Variants in ING5 observed in about 807,000 individuals in gnomAD.
ING5 encodes the protein inhibitor of growth family member 5.
In ING5, 17 loss-of-function variants were observed where a neutral mutation model predicts 37.4. The observed-to-expected ratio is 0.45, with a 90% CI of 0.31 to 0.68. The LOEUF (loss-of-function observed/expected upper bound fraction) is 0.68, where lower values mean the gene tolerates loss of function less well. Ranked by LOEUF, ING5 falls within the 30% of genes least tolerant of loss-of-function variation. The pLI, the probability that ING5 is intolerant of heterozygous loss-of-function variation, is 0.05. For synonymous variants in ING5, 123 were observed against 116.6 expected, an observed-to-expected ratio of 1.06 and a Z score of -0.36; for missense variants, 233 against 311.9, an observed-to-expected ratio of 0.75 and a Z score of 1.91.
chr2:241,713,367 GTTTTTTTTTTT>G (rs1166786436), intron 5 of ING5, among the ~76,000 whole-genome samples: 1 of 102,312 alleles, frequency 9.8e-6, no homozygotes, highest in Non-Finnish European at 1.9e-5. Flanking sequence ...CCAATTTTCA[GTTTTTTTTTTT>G]TTTTTTTTTT....
intron 5 of ING5, chr2:241,721,766 T>C (rs2070442906): frequency 1.0e-6 from 1 of 985,390 alleles, no homozygotes; most frequent in Non-Finnish European, 1.2e-6. Context: ...TGTAAGTTTA[T>C]TTGAAAAATA....
intron 2 of ING5, among the ~76,000 whole-genome samples, chr2:241,708,190 A>G (rs949563848): frequency 9.2e-5 from 12 of 130,412 alleles, no homozygotes; most frequent in Non-Finnish European, 1.3e-4. Context: ...GCCGCCGTGC[A>G]TGGCCTTCAA....
At chr2:241,720,173 C>T in intron 5 of ING5, 1 of 1,235,492 alleles carries the variant, frequency 8.1e-7, no homozygotes, top group Non-Finnish European at 1.0e-6. Flanking sequence ...GGAGTGTGCA[C>T]TCGGGTGCCT....
At chr2:241,715,436 TCCAC>T (rs1044697084) in intron 5 of ING5, among the ~76,000 whole-genome samples, 6 of 150,362 alleles carry the variant, frequency 4.0e-5, no homozygotes, top group Non-Finnish European at 8.9e-5. Context: ...GCTCAAGTGA[TCCAC>T]CCACGTTGGC....
At chr2:241,693,791 G>A in intron 2 of ING5, among the ~76,000 whole-genome samples, 1 of 150,974 alleles carries the variant, frequency 6.6e-6, no homozygotes, top group Non-Finnish European at 1.5e-5. Flanking sequence ...CCGAGTAGCT[G>A]GGATTACAGG....
At position 241,702,057 on chromosome 2, in the gene ING5, C is replaced by CA. The variant is rs1322730436; in HGVS notation, c.-9_-8insA. On this transcript the variant is annotated 5_prime_UTR_variant, in exon 1 of 8. Coordinates refer to ENST00000313552, the MANE Select transcript of ING5 (RefSeq NM_032329.6). Reference sequence around the variant, plus strand: ...CCCGCGCAGACCCCGAGCGCGGCCGCGGACGAAGATGGCGACCGCCATGTA... The same window carrying CA: ...CCCGCGCAGACCCCGAGCGCGGCCGCAGGACGAAGATGGCGACCGCCATGTA... 1 of 1,388,224 alleles carries CA rather than the reference C, an allele frequency of 7.2e-7. No individual in the cohort carries two copies. The highest frequency in any genetic ancestry group is 3.0e-5 in the Admixed American group (1 of 33,856). 86.0% of individuals were successfully genotyped at this position (1,388,224 alleles called of 1,614,324 possible).
intron 5 of ING5, chr2:241,720,899 G>T (rs979765996): frequency 2.0e-6 from 2 of 985,606 alleles, no homozygotes; most frequent in Non-Finnish European, 2.4e-6. Flanking sequence ...AGACTGAGAG[G>T]CCAGTGAGGC....
intron 1 of ING5, among the ~76,000 whole-genome samples, chr2:241,702,582 T>C (rs2069777459): frequency 6.6e-6 from 1 of 151,692 alleles, no homozygotes; most frequent in Non-Finnish European, 1.5e-5. Flanking sequence ...GCCGGCCTCT[T>C]GTGTGACCGC....
chr2:241,702,358 A>G (rs1475246175), intron 1 of ING5, among the ~76,000 whole-genome samples: 2 of 139,940 alleles, frequency 1.4e-5, no homozygotes, highest in African/African-American at 5.4e-5. Flanking sequence ...GGGCCTGGCG[A>G]TGCTGGGCGG....
In ING5 at chr2:241,716,308, C is replaced by T. The variant is rs1462589477; in HGVS notation, c.482+4237C>T. Among the ~76,000 whole-genome samples, 127 of 110,572 alleles carry T rather than the reference C, an allele frequency of 1.1e-3. 1 individual carries two copies. The highest frequency in any genetic ancestry group is 4.1e-3 in the African/African-American group (111 of 27,290). 72.5% of individuals were successfully genotyped at this position (110,572 alleles called of 152,430 possible). Reference sequence around the variant, plus strand: ...TTTTTTTTTTTTTTTTTTTTTGAGACGGAGTCTTGCACTGTTGCCCAGGCT... The same window carrying T: ...TTTTTTTTTTTTTTTTTTTTTGAGATGGAGTCTTGCACTGTTGCCCAGGCT... On this transcript the variant is annotated intron_variant, in intron 5 of 7. Coordinates refer to ENST00000313552, the MANE Select transcript of ING5 (RefSeq NM_032329.6).
At chr2:241,708,810 A>G (rs2070007663) in intron 2 of ING5, among the ~76,000 whole-genome samples, 1 of 152,162 alleles carries the variant, frequency 6.6e-6, no homozygotes, top group African/African-American at 2.4e-5. Context: ...TAGGTGACAT[A>G]AGGTTTGTTT....
rs1385217780 is a variant in ING5 at position 241,725,352 on chromosome 2, C to A, written c.*321C>A. The A allele has an allele frequency of 2.7e-6, 1 of 366,272 alleles. No individual in the cohort carries two copies. Among genetic ancestry groups the A allele is most frequent in the African/African-American group, 2.1e-5 (1 of 46,654 alleles). The allele number at this position is 366,272 out of a possible 1,614,324, so 22.7% of individuals were successfully genotyped here. A position where few individuals can be genotyped will look rare whatever the true frequency, so the allele number is the denominator to read the frequency against. Reference sequence around the variant, plus strand: ...GGGCGTGCGGGCGGGGACATGGTAACCTGGTCCACGGAGGGCGGCCGCCAC... The same window carrying A: ...GGGCGTGCGGGCGGGGACATGGTAAACTGGTCCACGGAGGGCGGCCGCCAC... On this transcript the variant is annotated 3_prime_UTR_variant, in exon 8 of 8. Transcript: ENST00000313552.
In ING5 at chr2:241,714,252, T is replaced by C. The variant is rs111557332; in HGVS notation, c.482+2181T>C. ...CTTTAATAGTTTTATAGTGCATTCC[T>C]AGACACTATACATTATAGTTTAGTC... On this transcript the variant is annotated intron_variant, in intron 5 of 7. Coordinates refer to ENST00000313552, the MANE Select transcript of ING5 (RefSeq NM_032329.6). Among the ~76,000 whole-genome samples the C allele has an allele frequency of 8.7e-4, 133 of 152,362 alleles. 1 individual carries two copies. Among genetic ancestry groups the C allele is most frequent in the African/African-American group, 2.9e-3 (122 of 41,584 alleles).
intron 5 of ING5, among the ~76,000 whole-genome samples, chr2:241,718,368 C>T (rs1472318609): frequency 2.1e-5 from 3 of 142,336 alleles, no homozygotes; most frequent in African/African-American, 5.2e-5. Flanking sequence ...TCCCTCCCTC[C>T]CTTCCTCCCT....
chr2:241,718,413 T>C (rs1575137299), intron 5 of ING5, among the ~76,000 whole-genome samples: 1 of 139,284 alleles, frequency 7.2e-6, no homozygotes, highest in African/African-American at 2.6e-5. Context: ...TCTTTTCTCT[T>C]TCTGTCTTTT....
chr2:241,705,232 G>T (rs1203865118), intron 2 of ING5, among the ~76,000 whole-genome samples: 3 of 150,114 alleles, frequency 2.0e-5, no homozygotes, highest in Non-Finnish European at 4.4e-5. Flanking sequence ...CCGCCACCAC[G>T]CCTGGCTAAT....
chr2:241,701,521 C>T (rs561015041), upstream of ING5, among the ~76,000 whole-genome samples: 1 of 152,270 alleles, frequency 6.6e-6, no homozygotes, highest in Non-Finnish European at 1.5e-5. Context: ...CTCGCCCGGG[C>T]CACGCGGTGC....
chr2:241,715,369 T>C (rs2070233861), intron 5 of ING5, among the ~76,000 whole-genome samples: 1 of 151,852 alleles, frequency 6.6e-6, no homozygotes, highest in South Asian at 2.1e-4. Context: ...TAATTTTTTA[T>C]ATTTTTGGTA....
chr2:241,702,994 G>C (rs1050011571), intron 1 of ING5, among the ~76,000 whole-genome samples: 1 of 152,230 alleles, frequency 6.6e-6, no homozygotes, highest in African/African-American at 2.4e-5. Context: ...ACAGTGGCGA[G>C]TGAGCCGTGG....
Sources: gnomAD v4.1 joint callset for allele counts (sites outside exome capture counted in the v4.1 genomes callset) on GRCh38, gnomAD v4.1.1 for gene constraint, MANE v1.5 for transcripts, NCBI Gene and HGNC (gene_info 2026-07-23, HGNC 2026-07-21) for gene names.